The following USH2A variants were observed in gnomAD, a reference collection of about 807,000 sequenced individuals.
The protein encoded by USH2A is Usher syndrome 2A (autosomal recessive, mild).
USH2A carries 443 observed loss-of-function variants against 538.9 expected under a neutral mutation model. The observed-to-expected ratio is 0.82, with a 90% CI of 0.76 to 0.89. USH2A has a LOEUF of 0.89. Among genes scored for constraint, USH2A ranks in the 40% least tolerant of loss-of-function variants. The pLI is 0.00. For synonymous variants in USH2A, 2,413 were observed against 2,273.5 expected, an observed-to-expected ratio of 1.06 and a Z score of -1.75; for missense variants, 6,633 against 6,324.8, an observed-to-expected ratio of 1.05 and a Z score of -1.65.
At chr1:216,210,509 C>T (rs1411665806) in intron 15 of USH2A, among the ~76,000 whole-genome samples, 1 of 152,132 alleles carries the variant, frequency 6.6e-6, no homozygotes, top group African/African-American at 2.4e-5. Flanking sequence ...AGGCAGCTGC[C>T]CTTGCTCACA....
intron 21 of USH2A, among the ~76,000 whole-genome samples, chr1:216,135,924 C>CTTTAGTATA (rs2033477490): frequency 6.6e-6 from 1 of 151,722 alleles, no homozygotes; most frequent in South Asian, 2.1e-4. Context: ...TAACGGTTAG[C>CTTTAGTATA]TTTAGTATAT....
intron 24 of USH2A, 77 bp from the exon 25 acceptor site, chr1:216,084,954 A>G (rs890287421): frequency 8.9e-6 from 13 of 1,467,670 alleles, no homozygotes; most frequent in Non-Finnish European, 1.2e-5. Context: ...TGTGCCATTA[A>G]AGTCAAAGAA....
intron 32 of USH2A, among the ~76,000 whole-genome samples, chr1:216,027,880 A>C (rs1346755159): frequency 6.6e-6 from 1 of 152,208 alleles, no homozygotes; most frequent in African/African-American, 2.4e-5. Flanking sequence ...GTTTAATGAA[A>C]TTTCCCATCA....
At chr1:216,401,610 T>A (rs2039306106) in intron 3 of USH2A, among the ~76,000 whole-genome samples, 1 of 151,950 alleles carries the variant, frequency 6.6e-6, no homozygotes, top group Non-Finnish European at 1.5e-5. Flanking sequence ...ATCAGAAAAA[T>A]ATATCTGCAA....
intron 64 of USH2A, among the ~76,000 whole-genome samples, chr1:215,663,319 T>C (rs535567621): frequency 6.6e-6 from 1 of 152,326 alleles, no homozygotes; most frequent in South Asian, 2.1e-4. Flanking sequence ...ACACACAGAT[T>C]TCTTAGTTCT....
chr1:215,702,930 A>G (rs1372999462), intron 61 of USH2A, among the ~76,000 whole-genome samples: 2 of 151,080 alleles, frequency 1.3e-5, no homozygotes, highest in African/African-American at 2.4e-5. Context: ...GCGCTGGTTT[A>G]CTCTCATCTT....
intron 26 of USH2A, among the ~76,000 whole-genome samples, chr1:216,081,460 T>C (rs1307670046): frequency 1.3e-5 from 2 of 152,190 alleles, no homozygotes; most frequent in South Asian, 4.1e-4. Context: ...GGGAGCAGCC[T>C]CAGTCCTCAG....
At chr1:215,654,926 G>A (rs1431147471) in intron 64 of USH2A, among the ~76,000 whole-genome samples, 1 of 152,164 alleles carries the variant, frequency 6.6e-6, no homozygotes, top group Non-Finnish European at 1.5e-5. Context: ...ATTACATGGA[G>A]TGTCAACATC....
chr1:215,667,233 T>C (rs1657634295), intron 64 of USH2A, among the ~76,000 whole-genome samples: 1 of 152,222 alleles, frequency 6.6e-6, no homozygotes, highest in Non-Finnish European at 1.5e-5. Flanking sequence ...GAAGTATTAG[T>C]GAACACTTAG....
chr1:216,359,188 C>T (rs1052519877), intron 4 of USH2A, among the ~76,000 whole-genome samples: 3 of 152,016 alleles, frequency 2.0e-5, no homozygotes, highest in Non-Finnish European at 4.4e-5. Flanking sequence ...AGAGCATACA[C>T]AAACTAAAGT....
chr1:215,761,003 C>T (rs1270200365), intron 56 of USH2A, among the ~76,000 whole-genome samples: 1 of 152,020 alleles, frequency 6.6e-6, no homozygotes, highest in Non-Finnish European at 1.5e-5. Flanking sequence ...TTTTTGTGAC[C>T]CATATGGTCC....
chr1:216,182,099 T>G (rs1177839705), intron 20 of USH2A, among the ~76,000 whole-genome samples: 1 of 152,044 alleles, frequency 6.6e-6, no homozygotes, highest in African/African-American at 2.4e-5. Flanking sequence ...ATGTAAATTT[T>G]TTATATATGT....
At position 215,675,331 on chromosome 1, in the gene USH2A, A is replaced by T. The variant is rs769001387; in HGVS notation, c.12580T>A (p.Cys4194Ser). The change falls in exon 63 of 72, where the codon TGC becomes AGC. Residue 4194 changes from cysteine (C) to serine (S), a missense_variant. Transcript: ENST00000307340. ...KIIRYEVIRR[C>S]FEGKAWGNQT... ...TTTCCCCAAGCTTTTCCCTCGAAGC[A>T]TCTGCGAATCACTTCATAGCGAATT... 1 of 1,614,146 alleles carries T rather than the reference A, an allele frequency of 6.2e-7. No individual in the cohort carries two copies. The highest frequency in any genetic ancestry group is 8.5e-7 in the Non-Finnish European group (1 of 1,180,042).
At chr1:216,290,412 T>C (rs1038181929) in intron 10 of USH2A, among the ~76,000 whole-genome samples, 1 of 152,198 alleles carries the variant, frequency 6.6e-6, no homozygotes, top group Non-Finnish European at 1.5e-5. Context: ...CTTTTATTTA[T>C]GAATTAATGA....
At chr1:216,159,976 T>A (rs904314587) in intron 21 of USH2A, among the ~76,000 whole-genome samples, 3 of 152,116 alleles carry the variant, frequency 2.0e-5, no homozygotes, top group Non-Finnish European at 2.9e-5. Context: ...CATTATTATT[T>A]TTTTTAATGT....
At chr1:215,820,161 T>C (rs190658167) in intron 47 of USH2A, among the ~76,000 whole-genome samples, 3 of 150,708 alleles carry the variant, frequency 2.0e-5, no homozygotes, top group Non-Finnish European at 4.4e-5. Flanking sequence ...ACTGTTATAG[T>C]TTTTTTTAGA....
At chr1:216,173,330 T>C (rs999925490) in intron 21 of USH2A, among the ~76,000 whole-genome samples, 8 of 151,952 alleles carry the variant, frequency 5.3e-5, no homozygotes, top group African/African-American at 1.9e-4. Flanking sequence ...GTTAAAGGGG[T>C]CTTAAAAGTA....
At chr1:215,676,594 CA>C (rs1658035365) in intron 62 of USH2A, among the ~76,000 whole-genome samples, 1 of 152,126 alleles carries the variant, frequency 6.6e-6, no homozygotes, top group Admixed American at 6.5e-5. Context: ...AAATTGTTAA[CA>C]TACTCCATTT....
intron 61 of USH2A, among the ~76,000 whole-genome samples, chr1:215,720,392 T>C (rs998516637): frequency 2.0e-5 from 3 of 152,190 alleles, no homozygotes; most frequent in South Asian, 4.1e-4. Flanking sequence ...ATGAAATTCA[T>C]AGGACAATTT....
Sources: gnomAD v4.1 joint callset for allele counts (sites outside exome capture counted in the v4.1 genomes callset) on GRCh38, gnomAD v4.1.1 for gene constraint, MANE v1.5 for transcripts, NCBI Gene and HGNC (gene_info 2026-07-23, HGNC 2026-07-21) for gene names.